XKR4: variants seen among roughly 807,000 people sequenced by gnomAD.
The protein encoded by XKR4 is XK-related protein 4.
A neutral mutation model predicts 53.9 loss-of-function variants in XKR4; 12 were observed. The observed-to-expected ratio is 0.22, with a 90% CI of 0.14 to 0.36. The LOEUF (loss-of-function observed/expected upper bound fraction) is 0.36, where lower values mean the gene tolerates loss of function less well. Among genes scored for constraint, XKR4 ranks in the 10% least tolerant of loss-of-function variants. XKR4 has a pLI of 1.00. For missense variants in XKR4, 799 were observed against 859.5 expected (o/e 0.93, Z 0.88); for synonymous variants, 354 against 362.4 (o/e 0.98, Z 0.26).
intron 2 of XKR4, among the ~76,000 whole-genome samples, chr8:55,473,863 T>TC: frequency 6.6e-6 from 1 of 151,452 alleles, no homozygotes. Context: ...CCTGTCTCTC[T>TC]CCCCACCCCA....
At chr8:55,238,770 A>C (rs1818168963) in intron 1 of XKR4, among the ~76,000 whole-genome samples, 1 of 152,230 alleles carries the variant, frequency 6.6e-6, no homozygotes, top group African/African-American at 2.4e-5. Flanking sequence ...TCTGCCACAT[A>C]CAGAGAAAAA....
chr8:55,284,595 C>T (rs1490411461), intron 1 of XKR4, among the ~76,000 whole-genome samples: 1 of 152,162 alleles, frequency 6.6e-6, no homozygotes, highest in Non-Finnish European at 1.5e-5. Flanking sequence ...TGGCAGCTGG[C>T]TTTCTCCAGA....
chr8:55,520,917 T>C (rs769453463), intron 2 of XKR4: 2 of 152,266 alleles, frequency 1.3e-5, no homozygotes, highest in Non-Finnish European at 2.9e-5. Context: ...TGATACTGTG[T>C]ACTTAAAGTT....
intron 2 of XKR4, among the ~76,000 whole-genome samples, chr8:55,366,175 C>T (rs1241688350): frequency 1.3e-5 from 2 of 152,182 alleles, no homozygotes; most frequent in South Asian, 2.1e-4. Context: ...TCCAACCTCC[C>T]ACCAGTGCCA....
At chr8:55,522,125 G>A (rs1239790022) in intron 2 of XKR4, among the ~76,000 whole-genome samples, 1 of 152,178 alleles carries the variant, frequency 6.6e-6, no homozygotes, top group Non-Finnish European at 1.5e-5. Flanking sequence ...GTGTTTTTAG[G>A]TGAGCCCTGG....
At chr8:55,393,774 C>G (rs934704831) in intron 2 of XKR4, among the ~76,000 whole-genome samples, 1 of 152,168 alleles carries the variant, frequency 6.6e-6, no homozygotes, top group Non-Finnish European at 1.5e-5. Context: ...AATAAACAAA[C>G]GTCCCTTTTA....
intron 1 of XKR4, among the ~76,000 whole-genome samples, chr8:55,215,911 C>A (rs576659982): frequency 1.3e-5 from 2 of 151,970 alleles, no homozygotes; most frequent in Non-Finnish European, 2.9e-5. Context: ...ATAATGATGG[C>A]GATTGAAAAG....
At chr8:55,434,263 C>T (rs766689513) in intron 2 of XKR4, among the ~76,000 whole-genome samples, 14 of 152,108 alleles carry the variant, frequency 9.2e-5, no homozygotes, top group South Asian at 4.2e-4. Flanking sequence ...GAATTAGCTA[C>T]GAAGGGAGTC....
At chr8:55,178,886 A>G (rs16921320) in intron 1 of XKR4, among the ~76,000 whole-genome samples, 13,988 of 152,186 alleles carry the variant, frequency 0.092, 1,773 homozygotes, top group African/African-American at 0.28. Flanking sequence ...GTGTTCCCCA[A>G]AGAATAATCC....
intron 1 of XKR4, among the ~76,000 whole-genome samples, chr8:55,200,693 T>C (rs2129362195): frequency 6.6e-6 from 1 of 152,352 alleles, no homozygotes; most frequent in South Asian, 2.1e-4. Flanking sequence ...ATTTTTACTG[T>C]TACAAAAAGA....
At chr8:55,503,321 G>A (rs1178742770) in intron 2 of XKR4, among the ~76,000 whole-genome samples, 1 of 151,978 alleles carries the variant, frequency 6.6e-6, no homozygotes, top group Admixed American at 6.6e-5. Context: ...CATGAAAACA[G>A]GATATCTTTC....
At chr8:55,317,056 C>T (rs1819488546) in intron 1 of XKR4, among the ~76,000 whole-genome samples, 1 of 152,166 alleles carries the variant, frequency 6.6e-6, no homozygotes, top group African/African-American at 2.4e-5. Context: ...ACTACCTCTA[C>T]TACCCTCTAA....
At chr8:55,336,300 G>T (rs1482268778) in intron 1 of XKR4, among the ~76,000 whole-genome samples, 1 of 152,024 alleles carries the variant, frequency 6.6e-6, no homozygotes, top group Admixed American at 6.6e-5. Context: ...ATTTTGTCTT[G>T]CCGTCACCAT....
intron 1 of XKR4, among the ~76,000 whole-genome samples, chr8:55,293,252 T>A (rs1819055687): frequency 6.6e-6 from 1 of 152,096 alleles, no homozygotes; most frequent in Non-Finnish European, 1.5e-5. Context: ...GGAGAATCAC[T>A]TGAACCCAAG....
intron 1 of XKR4, among the ~76,000 whole-genome samples, chr8:55,277,574 T>C (rs958331402): frequency 6.6e-6 from 1 of 152,230 alleles, no homozygotes; most frequent in Non-Finnish European, 1.5e-5. Context: ...AATAATTTTG[T>C]GTATGAAATA....
intron 1 of XKR4, among the ~76,000 whole-genome samples, chr8:55,110,502 T>A (rs1180677775): frequency 6.6e-6 from 1 of 152,210 alleles, no homozygotes; most frequent in Non-Finnish European, 1.5e-5. Context: ...TACTACTTAG[T>A]GGCTTCTCTG....
intron 2 of XKR4, among the ~76,000 whole-genome samples, chr8:55,420,980 T>C (rs1435998849): frequency 6.6e-6 from 1 of 152,188 alleles, no homozygotes; most frequent in Non-Finnish European, 1.5e-5. Flanking sequence ...CAGTGGTAAA[T>C]AGGTTTCTGG....
At chr8:55,452,662 C>T (rs1207430237) in intron 2 of XKR4, 1 of 1,434,366 alleles carries the variant, frequency 7.0e-7, no homozygotes, top group African/African-American at 1.4e-5. Flanking sequence ...TCACTGGTGA[C>T]CCCACTCTCT....
At chr8:55,121,970 T>G (rs1816398051) in intron 1 of XKR4, among the ~76,000 whole-genome samples, 1 of 152,122 alleles carries the variant, frequency 6.6e-6, no homozygotes, top group African/African-American at 2.4e-5. Context: ...CTAATGGACC[T>G]GAATGGAGAA....
Sources: gnomAD v4.1 joint callset for allele counts (sites outside exome capture counted in the v4.1 genomes callset) on GRCh38, gnomAD v4.1.1 for gene constraint, MANE v1.5 for transcripts, NCBI Gene and HGNC (gene_info 2026-07-23, HGNC 2026-07-21) for gene names.